CPNE5: variants seen among roughly 807,000 people sequenced by gnomAD.
CPNE5 encodes the protein copine 5.
CPNE5 carries 42 observed loss-of-function variants against 81.1 expected under a neutral mutation model. The observed-to-expected ratio is 0.52, with a 90% confidence interval of 0.40 to 0.67. The LOEUF (loss-of-function observed/expected upper bound fraction) is 0.67. Among genes scored for constraint, CPNE5 ranks in the 30% least tolerant of loss-of-function variants. CPNE5 has a pLI of 0.00. For missense variants in CPNE5, 612 were observed against 815.5 expected (o/e 0.75, Z 3.04); for synonymous variants, 313 against 321.5 (o/e 0.97, Z 0.28).
At chr6:36,800,604 C>A (rs1274799477) in intron 3 of CPNE5, among the ~76,000 whole-genome samples, 1 of 152,234 alleles carries the variant, frequency 6.6e-6, no homozygotes, top group Non-Finnish European at 1.5e-5. Flanking sequence ...TAAAAGATCC[C>A]CACCTTTTGG....
At chr6:36,811,361 T>C (rs1021949423) in intron 3 of CPNE5, among the ~76,000 whole-genome samples, 7 of 152,326 alleles carry the variant, frequency 4.6e-5, no homozygotes, top group African/African-American at 7.2e-5. Flanking sequence ...AAAGCATTGG[T>C]TTCTTACTTA....
intron 5 of CPNE5, 97 bp downstream of exon 5, chr6:36,798,358 T>C (rs1399143287): frequency 1.3e-6 from 2 of 1,506,124 alleles, no homozygotes; most frequent in African/African-American, 2.8e-5. Context: ...GGACGCAGCG[T>C]CGGACACACA....
intron 16 of CPNE5, 35 bp from the exon 17 acceptor site, chr6:36,745,550 A>AT: frequency 6.3e-7 from 1 of 1,581,940 alleles, no homozygotes. Flanking sequence ...TGAGCCCAGG[A>AT]AGGAAGGACA....
intron 8 of CPNE5, among the ~76,000 whole-genome samples, chr6:36,788,676 C>T (rs1257069900): frequency 1.3e-5 from 2 of 150,716 alleles, no homozygotes; most frequent in African/African-American, 2.4e-5. Flanking sequence ...CAGTAACAAT[C>T]GTTTTACTGC....
intron 11 of CPNE5, among the ~76,000 whole-genome samples, chr6:36,764,751 T>A (rs1766392356): frequency 6.6e-6 from 1 of 151,830 alleles, no homozygotes; most frequent in Non-Finnish European, 1.5e-5. Flanking sequence ...GGCCCATGAG[T>A]CCACTCACGC....
intron 13 of CPNE5, chr6:36,754,667 G>A (rs1765230852): frequency 1.3e-5 from 2 of 152,386 alleles, no homozygotes; most frequent in South Asian, 4.1e-4. Flanking sequence ...GGCCCGCTCT[G>A]TCTCCAGCTC....
intron 11 of CPNE5, among the ~76,000 whole-genome samples, chr6:36,764,828 G>A (rs146703295): frequency 9.9e-4 from 150 of 152,268 alleles, no homozygotes; most frequent in African/African-American, 3.6e-3. Flanking sequence ...CTCCTCTGAT[G>A]AGCCGAGGGC....
intron 13 of CPNE5, chr6:36,755,941 C>A: frequency 2.3e-6 from 1 of 435,226 alleles, no homozygotes; most frequent in South Asian, 3.9e-5. Context: ...TGGGGAATTT[C>A]CCAGGGTAGG....
At chr6:36,778,202 C>G (rs1490913807) in intron 9 of CPNE5, among the ~76,000 whole-genome samples, 1 of 152,182 alleles carries the variant, frequency 6.6e-6, no homozygotes, top group Non-Finnish European at 1.5e-5. Context: ...GGTCCCCAGA[C>G]CTTCCACCCA....
In CPNE5 at chr6:36,792,278, C is replaced by T. The variant is rs1440658165; in HGVS notation, c.465-182G>A. 6 of 1,438,032 alleles carry T rather than the reference C, an allele frequency of 4.2e-6. No homozygotes were observed. The African/African-American group carries it at 7.1e-5, about 17-fold the overall frequency. The allele number at this position is 1,438,032 out of a possible 1,614,324, so 89.1% of individuals were successfully genotyped here. A position where few individuals can be genotyped will look rare whatever the true frequency, so the allele number is the denominator to read the frequency against. Reference sequence around the variant, plus strand: ...TGTGGCAGTGTGGCCTAGTGCACTGCTTCCTGGGACCGGGTCCCCGAGCCT... The same window carrying T: ...TGTGGCAGTGTGGCCTAGTGCACTGTTTCCTGGGACCGGGTCCCCGAGCCT... On this transcript the variant is annotated intron_variant, in intron 7 of 20. Transcript: ENST00000244751.
At chr6:36,834,689 ATACGGT>A (rs1398955741) in intron 1 of CPNE5, among the ~76,000 whole-genome samples, 4 of 151,954 alleles carry the variant, frequency 2.6e-5, no homozygotes, top group African/African-American at 4.8e-5. Context: ...TAGAAATTGC[ATACGGT>A]TCAGCCTAAT....
chr6:36,839,453 G>A, upstream of CPNE5: 1 of 1,274,428 alleles, frequency 7.8e-7, no homozygotes, highest in Non-Finnish European at 1.1e-6. This position sits in a 1 kb window ranked among gnomAD's most constrained non-coding sequence, Gnocchi z 7.3. Flanking sequence ...CTGGAGCCCT[G>A]GGCTCTCCCC....
intron 1 of CPNE5, among the ~76,000 whole-genome samples, chr6:36,826,778 C>T (rs781658352): frequency 2.6e-5 from 4 of 152,350 alleles, no homozygotes; most frequent in African/African-American, 4.8e-5. Context: ...AGCTCAGGGA[C>T]GGCCCCTTGC....
At chr6:36,784,406 C>T (rs944877411) in intron 8 of CPNE5, among the ~76,000 whole-genome samples, 1 of 152,240 alleles carries the variant, frequency 6.6e-6, no homozygotes, top group Non-Finnish European at 1.5e-5. Context: ...GTGTAACTAA[C>T]CGCCTGGGGG....
At chr6:36,818,764 C>T (rs1356440511) in intron 3 of CPNE5, among the ~76,000 whole-genome samples, 1 of 152,204 alleles carries the variant, frequency 6.6e-6, no homozygotes, top group South Asian at 2.1e-4. Context: ...CTACTCCACC[C>T]TGCGGCGGGT....
chr6:36,826,025 C>T (rs1273478224), intron 1 of CPNE5, among the ~76,000 whole-genome samples: 2 of 152,190 alleles, frequency 1.3e-5, no homozygotes, highest in Non-Finnish European at 2.9e-5. Context: ...AAGGACAACG[C>T]TTAACTCCTC....
chr6:36,796,243 C>G (rs1394589743), intron 6 of CPNE5, among the ~76,000 whole-genome samples: 1 of 152,246 alleles, frequency 6.6e-6, no homozygotes, highest in Non-Finnish European at 1.5e-5. Flanking sequence ...GCTACTGAGC[C>G]CTGCCAACCT....
chr6:36,743,675 G>C lies in CPNE5; in HGVS notation c.1563+14C>G. 6.2e-7 allele frequency: 1 copy of C among 1,612,350 alleles called. No individual in the cohort carries two copies. Among genetic ancestry groups the C allele is most frequent in the Non-Finnish European group, 8.5e-7 (1 of 1,178,872 alleles). ...CTTGAATTTCCCATGGGGCAGGCAAGGCCTGGGCTTCACCTGGACGATGTC... is the reference window on the plus strand; with the variant it reads ...CTTGAATTTCCCATGGGGCAGGCAACGCCTGGGCTTCACCTGGACGATGTC... On this transcript the variant is annotated intron_variant, in intron 20 of 20. Coordinates refer to ENST00000244751, the MANE Select transcript of CPNE5 (RefSeq NM_020939.2).
intron 1 of CPNE5, among the ~76,000 whole-genome samples, chr6:36,834,765 C>G (rs1040547171): frequency 6.6e-6 from 1 of 152,172 alleles, no homozygotes. Context: ...TATTATTCCC[C>G]TAGCTCCACT....
Sources: allele counts gnomAD v4.1 joint callset (sites outside exome capture counted in the v4.1 genomes callset), GRCh38; gene constraint gnomAD v4.1.1; non-coding constraint Gnocchi (gnomAD v3.1); transcripts MANE v1.5; gene names NCBI Gene and HGNC (gene_info 2026-07-23, HGNC 2026-07-21).